The following ARID4B variants were observed in gnomAD, a reference collection of about 807,000 sequenced individuals.
ARID4B encodes the protein AT-rich interaction domain 4B, also known as AT-rich interactive domain-containing protein 4B.
Under a neutral mutation model 147.5 loss-of-function variants are expected in ARID4B, and 26 were observed. That is an observed-to-expected ratio of 0.18 (90% CI 0.13 to 0.24). The LOEUF (loss-of-function observed/expected upper bound fraction) is 0.24. Ranked by LOEUF, ARID4B falls within the 10% of genes least tolerant of loss-of-function variation. The pLI is 1.00. For missense variants in ARID4B, 1,179 were observed against 1,511.5 expected (o/e 0.78, Z 3.65); for synonymous variants, 512 against 507.9 (o/e 1.01, Z -0.11).
intron 20 of ARID4B, 36 bp from the exon 21 acceptor site, chr1:235,177,949 A>C: frequency 8.2e-7 from 1 of 1,217,696 alleles, no homozygotes; most frequent in Non-Finnish European, 1.2e-6. Flanking sequence ...CACAAAATAA[A>C]ATCCAACATT....
chr1:235,301,046 T>C (rs867164072), intron 2 of ARID4B, among the ~76,000 whole-genome samples: 17,105 of 142,030 alleles, frequency 0.12, 1,146 homozygotes, highest in African/African-American at 0.17. Flanking sequence ...TTCTTTTTTT[T>C]TTTTTTTTTT....
At chr1:235,185,034 C>T (rs1664579864) in intron 19 of ARID4B, among the ~76,000 whole-genome samples, 1 of 152,176 alleles carries the variant, frequency 6.6e-6, no homozygotes, top group Non-Finnish European at 1.5e-5. Context: ...ACAGGCTGAT[C>T]TCGAACTCTT....
Position 235,168,288 on chromosome 1 carries a change from A to T in ARID4B, c.*237T>A. The T allele has an allele frequency of 4.7e-6, 2 of 424,420 alleles. No homozygotes were observed. The highest frequency in any genetic ancestry group is 8.5e-6 in the Non-Finnish European group (2 of 235,830). 26.3% of individuals were successfully genotyped at this position (424,420 alleles called of 1,614,324 possible). On this transcript the variant is annotated 3_prime_UTR_variant, in exon 24 of 24. Coordinates refer to ENST00000264183, the MANE Select transcript of ARID4B (RefSeq NM_016374.6). ...CATTTGCCACAGTGGAAGGCCTTCC[A>T]GTTACCAGACACACAATTCCCAGAC...
At chr1:235,308,917 C>T (rs529062734) in intron 2 of ARID4B, among the ~76,000 whole-genome samples, 3 of 152,294 alleles carry the variant, frequency 2.0e-5, no homozygotes, top group South Asian at 4.1e-4. Context: ...AAGTGAGGAG[C>T]GTCTCTGCCT....
intron 2 of ARID4B, among the ~76,000 whole-genome samples, chr1:235,286,160 A>C (rs10925331): frequency 6.1e-4 from 93 of 152,080 alleles, no homozygotes; most frequent in African/African-American, 2.2e-3. Context: ...TCAGCCTCCC[A>C]AGTAGCTAGA....
intron 17 of ARID4B, among the ~76,000 whole-genome samples, chr1:235,204,702 T>C (rs1029626719): frequency 6.6e-6 from 1 of 152,228 alleles, no homozygotes; most frequent in Non-Finnish European, 1.5e-5. Context: ...GTAATGCAGA[T>C]GCTAAGTTTT....
intron 16 of ARID4B, among the ~76,000 whole-genome samples, chr1:235,214,580 C>T (rs1033160962): frequency 8.6e-5 from 13 of 151,976 alleles, no homozygotes; most frequent in African/African-American, 2.7e-4. Flanking sequence ...ATTCTCCAAC[C>T]GAATTTTCAA....
chr1:235,195,918 T>A, intron 18 of ARID4B, 113 bp downstream of exon 18: 1 of 674,296 alleles, frequency 1.5e-6, no homozygotes, highest in Non-Finnish European at 2.6e-6. Flanking sequence ...AATCTAGCAT[T>A]TGAAAAATGT....
intron 17 of ARID4B, among the ~76,000 whole-genome samples, chr1:235,210,078 T>C (rs933560504): frequency 5.9e-5 from 9 of 151,764 alleles, no homozygotes; most frequent in African/African-American, 2.2e-4. Context: ...AGATAAAAAA[T>C]TAGCCAGGTG....
At chr1:235,305,556 T>C (rs1050990360) in intron 2 of ARID4B, among the ~76,000 whole-genome samples, 1 of 152,210 alleles carries the variant, frequency 6.6e-6, no homozygotes, top group South Asian at 2.1e-4. Flanking sequence ...TGCCACTTAC[T>C]AGTGGCATGA....
chr1:235,234,496 T>C lies in ARID4B; in HGVS notation c.586-4A>G. ...CACTACAATCAGGACAAACCACCTTTTAAGAAAAAGGGTGAAGCTATTATA... is the reference window on the plus strand; with the variant it reads ...CACTACAATCAGGACAAACCACCTTCTAAGAAAAAGGGTGAAGCTATTATA... On this transcript the variant is annotated splice_polypyrimidine_tract_variant and splice_region_variant and intron_variant, in intron 8 of 23. Transcript: ENST00000264183. 1.3e-6 allele frequency: 2 copies of C among 1,592,710 alleles called. No individual in the cohort carries two copies. The highest frequency in any genetic ancestry group is 1.7e-6 in the Non-Finnish European group (2 of 1,164,166).
At chr1:235,315,305 T>C (rs1456693931) in intron 2 of ARID4B, among the ~76,000 whole-genome samples, 2 of 152,114 alleles carry the variant, frequency 1.3e-5, no homozygotes, top group Non-Finnish European at 2.9e-5. Context: ...TGTGCATTAT[T>C]TGTAGTCTCA....
chr1:235,186,118 T>C (rs1028617247), intron 19 of ARID4B, among the ~76,000 whole-genome samples: 1 of 151,590 alleles, frequency 6.6e-6, no homozygotes, highest in African/African-American at 2.4e-5. Flanking sequence ...TACAGGTGCA[T>C]GCCACCACAC....
At chr1:235,282,830 G>C (rs1014905271) in intron 2 of ARID4B, among the ~76,000 whole-genome samples, 3 of 152,016 alleles carry the variant, frequency 2.0e-5, no homozygotes, top group African/African-American at 7.2e-5. Flanking sequence ...ACCCAGGCTG[G>C]AGTGCAGTGG....
At chr1:235,200,221 G>A (rs932790303) in intron 17 of ARID4B, among the ~76,000 whole-genome samples, 3 of 152,062 alleles carry the variant, frequency 2.0e-5, no homozygotes, top group African/African-American at 4.8e-5. Flanking sequence ...TTGGGAGGCC[G>A]AGGCAGAGGT....
chr1:235,267,688 C>T (rs1000280967), intron 2 of ARID4B, among the ~76,000 whole-genome samples: 3 of 151,950 alleles, frequency 2.0e-5, no homozygotes, highest in East Asian at 1.9e-4. Context: ...AAAAATTAGC[C>T]GGGTGTGGTG....
At chr1:235,246,554 C>T (rs2103083831) in intron 6 of ARID4B, 43 bp from the exon 7 acceptor site, 5 of 1,360,588 alleles carry the variant, frequency 3.7e-6, no homozygotes, top group Middle Eastern at 1.8e-4. Flanking sequence ...TAACACTTTG[C>T]AAGTGCCTTC....
chr1:235,207,360 C>T (rs1666373363), intron 17 of ARID4B, among the ~76,000 whole-genome samples: 1 of 152,188 alleles, frequency 6.6e-6, no homozygotes, highest in Admixed American at 6.5e-5. Flanking sequence ...ATTGTGGTTG[C>T]TTGCTTTACT....
At chr1:235,324,347 C>T (rs1558316674) in intron 2 of ARID4B, among the ~76,000 whole-genome samples, 2 of 152,248 alleles carry the variant, frequency 1.3e-5, no homozygotes, top group Non-Finnish European at 2.9e-5. Context: ...AAAAAAGTAA[C>T]ATAGCATATA....
Sources: gnomAD v4.1 joint callset for allele counts (sites outside exome capture counted in the v4.1 genomes callset) on GRCh38, gnomAD v4.1.1 for gene constraint, MANE v1.5 for transcripts, NCBI Gene and HGNC (gene_info 2026-07-23, HGNC 2026-07-21) for gene names.